The following TRHDE variants were observed in gnomAD, a reference collection of about 807,000 sequenced individuals.
The protein encoded by TRHDE is thyrotropin-releasing hormone-degrading ectoenzyme.
A neutral mutation model predicts 125.7 loss-of-function variants in TRHDE; 72 were observed. The observed-to-expected ratio is 0.57, with a 90% CI of 0.47 to 0.70. The LOEUF (loss-of-function observed/expected upper bound fraction) is 0.70, where lower values mean the gene tolerates loss of function less well. Among genes scored for constraint, TRHDE ranks in the 30% least tolerant of loss-of-function variants. The pLI is 0.00. For synonymous variants in TRHDE, 509 were observed against 509.1 expected (o/e 1.00, Z 0.00); for missense variants, 1,110 against 1,327.1 (o/e 0.84, Z 2.54).
intron 2 of TRHDE, among the ~76,000 whole-genome samples, chr12:72,199,627 G>A (rs1877516250): frequency 6.6e-6 from 1 of 152,210 alleles, no homozygotes; most frequent in South Asian, 2.1e-4. Context: ...AAGAGCTACT[G>A]TGGTGGTTTA....
At chr12:72,512,620 C>T (rs1878655838) in intron 6 of TRHDE, among the ~76,000 whole-genome samples, 1 of 135,622 alleles carries the variant, frequency 7.4e-6, no homozygotes, top group Non-Finnish European at 1.6e-5. Context: ...TATATATAAT[C>T]ATATATATCA....
At chr12:72,417,970 G>A (rs1873800115) in intron 3 of TRHDE, among the ~76,000 whole-genome samples, 1 of 151,928 alleles carries the variant, frequency 6.6e-6, no homozygotes, top group African/African-American at 2.4e-5. Flanking sequence ...ACTCAACTAA[G>A]ATGTTTTGTG....
chr12:72,416,530 T>G (rs1415026067), intron 3 of TRHDE, among the ~76,000 whole-genome samples: 2 of 152,070 alleles, frequency 1.3e-5, no homozygotes, highest in African/African-American at 4.8e-5. Context: ...TCTAAGTCTT[T>G]AATTCATTTT....
chr12:72,531,517 C>T (rs1197155139), intron 6 of TRHDE, among the ~76,000 whole-genome samples: 1 of 151,854 alleles, frequency 6.6e-6, no homozygotes, highest in Non-Finnish European at 1.5e-5. Flanking sequence ...TTTTGTTTTG[C>T]TTAAGTATCC....
At chr12:72,387,215 A>G (rs1872457731) in intron 3 of TRHDE, among the ~76,000 whole-genome samples, 1 of 152,230 alleles carries the variant, frequency 6.6e-6, no homozygotes, top group Admixed American at 6.5e-5. Flanking sequence ...TTAAACCACC[A>G]TCATTTGGAT....
chr12:72,230,262 C>G (rs1199079736), intron 2 of TRHDE, among the ~76,000 whole-genome samples: 5 of 152,162 alleles, frequency 3.3e-5, no homozygotes. Context: ...TTTCTCATCA[C>G]TATTAACGAT....
intron 3 of TRHDE, among the ~76,000 whole-genome samples, chr12:72,397,583 C>T (rs1336825731): frequency 1.3e-5 from 2 of 152,290 alleles, no homozygotes; most frequent in East Asian, 3.9e-4. Context: ...TCACCCCTCC[C>T]TATTGATACA....
intron 6 of TRHDE, among the ~76,000 whole-genome samples, chr12:72,501,289 C>T (rs768539486): frequency 6.6e-6 from 1 of 151,944 alleles, no homozygotes; most frequent in East Asian, 1.9e-4. Context: ...AGAAGCAATA[C>T]CTTCAGTCTT....
intron 3 of TRHDE, among the ~76,000 whole-genome samples, chr12:72,456,297 C>A (rs960919271): frequency 6.6e-6 from 1 of 151,824 alleles, no homozygotes; most frequent in Non-Finnish European, 1.5e-5. Flanking sequence ...AGGGTTCCAT[C>A]CCCATCCAGG....
At chr12:72,577,545 G>A (rs568629220) in intron 12 of TRHDE, among the ~76,000 whole-genome samples, 5 of 152,238 alleles carry the variant, frequency 3.3e-5, no homozygotes, top group South Asian at 4.1e-4. Context: ...GAGGGGTTTC[G>A]AGGCAGTCGT....
At chr12:72,506,009 T>G (rs918742610) in intron 6 of TRHDE, among the ~76,000 whole-genome samples, 2 of 152,136 alleles carry the variant, frequency 1.3e-5, no homozygotes, top group Non-Finnish European at 1.5e-5. Flanking sequence ...TCTTCAACAA[T>G]GCAACCCAGC....
intron 5 of TRHDE, among the ~76,000 whole-genome samples, chr12:72,475,401 T>C (rs1047727528): frequency 2.0e-5 from 3 of 152,170 alleles, no homozygotes; most frequent in Non-Finnish European, 4.4e-5. Context: ...TGTGATAAAA[T>C]TCTTTCTATT....
chr12:72,176,102 A>G (rs1282494404), intron 2 of TRHDE, among the ~76,000 whole-genome samples: 1 of 152,116 alleles, frequency 6.6e-6, no homozygotes, highest in Non-Finnish European at 1.5e-5. Context: ...CACGCTTACA[A>G]TCCCAGCACT....
chr12:72,634,949 A>C (rs11179296), intron 15 of TRHDE, among the ~76,000 whole-genome samples: 22,655 of 151,928 alleles, frequency 0.15, 2,306 homozygotes, highest in East Asian at 0.54. Context: ...GTGAATAATG[A>C]CACAATAAAC....
At chr12:72,633,429 AG>A (rs1345058969) in intron 15 of TRHDE, among the ~76,000 whole-genome samples, 1 of 152,088 alleles carries the variant, frequency 6.6e-6, no homozygotes, top group African/African-American at 2.4e-5. Context: ...TGAATTTCAC[AG>A]GGCCATTGCA....
At chr12:72,309,092 T>C (rs1868418573) in intron 2 of TRHDE, among the ~76,000 whole-genome samples, 1 of 152,158 alleles carries the variant, frequency 6.6e-6, no homozygotes, top group Admixed American at 6.5e-5. Flanking sequence ...ATGGCTACAA[T>C]CAAGACAGTT....
intron 12 of TRHDE, among the ~76,000 whole-genome samples, chr12:72,598,330 G>T (rs1872065287): frequency 6.6e-6 from 1 of 152,172 alleles, no homozygotes. Flanking sequence ...TCAAGGAGTA[G>T]ATAGTTTTGC....
At chr12:72,560,616 G>T (rs924003590) in intron 7 of TRHDE, 1 of 152,120 alleles carries the variant, frequency 6.6e-6, no homozygotes, top group African/African-American at 2.4e-5. Flanking sequence ...GAGCCCAGGA[G>T]CTCAAGGCCA....
chr12:72,268,988 A>G (rs955324648), upstream of TRHDE, among the ~76,000 whole-genome samples: 1 of 152,124 alleles, frequency 6.6e-6, no homozygotes, highest in Non-Finnish European at 1.5e-5. Context: ...ACAGCACCAC[A>G]TGGTCCCAGT....
Sources: allele counts gnomAD v4.1 joint callset (sites outside exome capture counted in the v4.1 genomes callset), GRCh38; gene constraint gnomAD v4.1.1; transcripts MANE v1.5; gene names NCBI Gene and HGNC (gene_info 2026-07-23, HGNC 2026-07-21).